The following GKN2 variants were observed in gnomAD, a reference collection of about 807,000 sequenced individuals.
GKN2 encodes the protein gastrokine-2.
Under a neutral mutation model 22.7 loss-of-function variants are expected in GKN2, and 17 were observed. That is an observed-to-expected ratio of 0.75 (90% confidence interval 0.51 to 1.13). The LOEUF (loss-of-function observed/expected upper bound fraction) is 1.13, where lower values mean the gene tolerates loss of function less well. GKN2 is among the 50% of genes most tolerant of loss of function. GKN2 has a pLI of 0.00. For missense variants in GKN2, 248 were observed against 221.4 expected, an observed-to-expected ratio of 1.12 and a Z score of -0.76; for synonymous variants, 82 against 79.6, an observed-to-expected ratio of 1.03 and a Z score of -0.16.
Position 68,945,459 on chromosome 2 carries a change from G to A in GKN2, c.473-9C>T, listed in dbSNP as rs767726608. ...TCCAGCACCGACATTATCTGGAAAA[G>A]GGAAAATTTTTCAGAGAAAGAGCAT... is the stretch of plus-strand genomic sequence containing the variant. On this transcript the variant is annotated splice_polypyrimidine_tract_variant and intron_variant, in intron 5 of 5. Transcript: ENST00000328895. 2 of 1,596,092 alleles carry A rather than the reference G, an allele frequency of 1.3e-6. No homozygotes were observed. Among genetic ancestry groups the A allele is most frequent in the East Asian group, 2.2e-5 (1 of 44,758 alleles).
At chr2:68,947,520 C>A (rs922458092) in intron 3 of GKN2, among the ~76,000 whole-genome samples, 12 of 152,166 alleles carry the variant, frequency 7.9e-5, no homozygotes, top group African/African-American at 2.2e-4. Context: ...CCAGGGTCTG[C>A]AGTTTGAGGT....
rs1459363547 is a variant in GKN2 at position 68,947,135 on chromosome 2, C to T, written c.315+12G>A. 6 of 1,511,410 alleles carry T rather than the reference C, an allele frequency of 4.0e-6. No homozygotes were observed. The highest frequency in any genetic ancestry group is 1.7e-5 in the Admixed American group (1 of 59,870). The allele number at this position is 1,511,410 out of a possible 1,614,324, so 93.6% of individuals were successfully genotyped here. On this transcript the variant is annotated intron_variant, in intron 4 of 5. Transcript: ENST00000328895. Reference sequence around the variant, plus strand: ...TAAGAACAGAGAATACTCAAGAGTGCCCCAGAATTACCTGTTTCTCATAGA... The same window carrying T: ...TAAGAACAGAGAATACTCAAGAGTGTCCCAGAATTACCTGTTTCTCATAGA...
chr2:68,951,964 G>A (rs1464457857), intron 1 of GKN2, among the ~76,000 whole-genome samples: 1 of 152,264 alleles, frequency 6.6e-6, no homozygotes, highest in Non-Finnish European at 1.5e-5. Context: ...AGCCCTGAGA[G>A]AGGGAGCTCT....
intron 1 of GKN2, among the ~76,000 whole-genome samples, chr2:68,951,494 T>C (rs1458363286): frequency 6.6e-6 from 1 of 152,240 alleles, no homozygotes; most frequent in Non-Finnish European, 1.5e-5. Flanking sequence ...AACTGTACTA[T>C]CGCTGAAAAC....
intron 3 of GKN2, among the ~76,000 whole-genome samples, chr2:68,949,470 A>G (rs1669822814): frequency 6.6e-6 from 1 of 151,966 alleles, no homozygotes; most frequent in Admixed American, 6.6e-5. Context: ...CCCAGGCTGG[A>G]GTGCAGTGGT....
At chr2:68,950,391 T>C (rs1669838684) in intron 2 of GKN2, 128 bp from the exon 3 acceptor site, 6 of 875,056 alleles carry the variant, frequency 6.9e-6, no homozygotes, top group Non-Finnish European at 1.0e-5. Context: ...TCCACTGGGG[T>C]CCCAATCCAA....
In GKN2 at chr2:68,952,871, G is replaced by A; in HGVS notation, c.-10C>T. 1 of 1,613,962 alleles carries A rather than the reference G, an allele frequency of 6.2e-7. No homozygotes were observed. Among genetic ancestry groups the A allele is most frequent in the Non-Finnish European group, 8.5e-7 (1 of 1,179,928 alleles). On this transcript the variant is annotated 5_prime_UTR_variant, in exon 1 of 6. Coordinates refer to ENST00000328895, the MANE Select transcript of GKN2 (RefSeq NM_182536.3). ...TCACAAGTATTTTCATTTTGCCTGG[G>A]AGAGGAAGGTGCTGGAGTAAGTAAA...
At chr2:68,951,460 T>A (rs934855245) in intron 1 of GKN2, among the ~76,000 whole-genome samples, 3 of 152,248 alleles carry the variant, frequency 2.0e-5, no homozygotes, top group Non-Finnish European at 1.5e-5. Context: ...CCAGGTTTTG[T>A]ACCCTCTCTT....
At chr2:68,945,749 C>T (rs552220687) in intron 5 of GKN2, 18 of 256,722 alleles carry the variant, frequency 7.0e-5, no homozygotes, top group East Asian at 3.6e-4. Context: ...TCAGTTGGCC[C>T]GACCTCTTTC....
chr2:68,950,121 C>T lies in GKN2; in HGVS notation c.204+5G>A. ...GATGAATATGAAAATTCATTTGCTG[C>T]TTACATGTTTATAGTCAAAAATTGT... On this transcript the variant is annotated splice_donor_5th_base_variant and intron_variant, in intron 3 of 5. Transcript: ENST00000328895. 1 of 1,612,080 alleles carries T rather than the reference C, an allele frequency of 6.2e-7. No individual in the cohort carries two copies. Among genetic ancestry groups the T allele is most frequent in the Non-Finnish European group, 8.5e-7 (1 of 1,179,190 alleles).
rs748878985 is a variant in GKN2 at position 68,950,757 on chromosome 2, T to C, written c.13-2A>G. Reference sequence around the variant, plus strand: ...GGTCAGCACCACCAGAAATGCCACCTGAAAAACAGACCCACCACATCCATT... The same window carrying C: ...GGTCAGCACCACCAGAAATGCCACCCGAAAAACAGACCCACCACATCCATT... On this transcript the variant is annotated splice_acceptor_variant, in intron 1 of 5. Coordinates refer to ENST00000328895, the MANE Select transcript of GKN2 (RefSeq NM_182536.3). LOFTEE classifies it high-confidence loss of function. 3 of 1,613,972 alleles carry C rather than the reference T, an allele frequency of 1.9e-6. No homozygotes were observed. The African/African-American group carries it at 4.0e-5, about 22-fold the overall frequency.
Position 68,949,401 on chromosome 2 carries a change from T to C in GKN2, c.204+725A>G, listed in dbSNP as rs190342973. On this transcript the variant is annotated intron_variant, in intron 3 of 5. Coordinates refer to ENST00000328895, the MANE Select transcript of GKN2 (RefSeq NM_182536.3). ...TGCTTTGTGATTGTTCTTTTTATTA[T>C]TTTATATTTTTTAATTATTTATTTA... Among the ~76,000 whole-genome samples the C allele has an allele frequency of 3.3e-5, 5 of 151,944 alleles. No homozygotes were observed. In the East Asian group the frequency reaches 9.7e-4, roughly 29 times the overall value.
intron 2 of GKN2, 127 bp from the exon 3 acceptor site, chr2:68,950,390 G>A: frequency 1.1e-6 from 1 of 880,370 alleles, no homozygotes; most frequent in Non-Finnish European, 1.7e-6. Flanking sequence ...GTCCACTGGG[G>A]TCCCAATCCA....
chr2:68,952,525 A>G (rs1177731612), intron 1 of GKN2, among the ~76,000 whole-genome samples: 1 of 152,220 alleles, frequency 6.6e-6, no homozygotes, highest in Non-Finnish European at 1.5e-5. Flanking sequence ...TAGATAGCAA[A>G]TGTAGTTGTT....
chr2:68,945,788 C>T (rs1682684219), intron 5 of GKN2: 1 of 232,568 alleles, frequency 4.3e-6, no homozygotes, highest in Non-Finnish European at 8.4e-6. Context: ...CATTTAGAAA[C>T]TTTGTATAAA....
At chr2:68,949,915 T>G (rs1179832565) in intron 3 of GKN2, among the ~76,000 whole-genome samples, 2 of 152,238 alleles carry the variant, frequency 1.3e-5, no homozygotes, top group Non-Finnish European at 2.9e-5. Flanking sequence ...AGCAAATGCA[T>G]ATGTTTCCTG....
At chr2:68,950,310 T>C in intron 2 of GKN2, 47 bp from the exon 3 acceptor site, 1 of 1,553,942 alleles carries the variant, frequency 6.4e-7, no homozygotes, top group Non-Finnish European at 8.7e-7. Flanking sequence ...ATCTTATATA[T>C]TTGAAAGGCA....
chr2:68,946,226 C>T, intron 5 of GKN2, 78 bp downstream of exon 5: 2 of 1,284,502 alleles, frequency 1.6e-6, no homozygotes, highest in Non-Finnish European at 1.1e-6. Context: ...TTGCATTTCA[C>T]TTGGCACCCA....
chr2:68,948,256 CA>C (rs1553423225), intron 3 of GKN2, among the ~76,000 whole-genome samples: 11,799 of 141,214 alleles, frequency 0.084, 1,923 homozygotes, highest in African/African-American at 0.29. Flanking sequence ...AAAAAAAAAA[CA>C]AAAAAAAAAA....
Sources: gnomAD v4.1 joint callset for allele counts (sites outside exome capture counted in the v4.1 genomes callset) on GRCh38, gnomAD v4.1.1 for gene constraint, MANE v1.5 for transcripts, NCBI Gene and HGNC (gene_info 2026-07-23, HGNC 2026-07-21) for gene names.